CYLD: variants seen among roughly 807,000 people sequenced by gnomAD.
CYLD encodes the protein CYLD lysine 63 deubiquitinase, also known as ubiquitin carboxyl-terminal hydrolase CYLD.
In CYLD, 26 loss-of-function variants were observed where a neutral mutation model predicts 104.5. The observed-to-expected ratio is 0.25, with a 90% CI of 0.18 to 0.35. CYLD has a LOEUF of 0.35. CYLD is among the 10% of genes least tolerant of loss of function. The pLI, the probability that CYLD is intolerant of heterozygous loss-of-function variation, is 1.00. For missense variants in CYLD, 703 were observed against 1,136.1 expected (o/e 0.62, Z 5.48); for synonymous variants, 385 against 399.9 (o/e 0.96, Z 0.45).
chr16:50,742,773 C>T lies in CYLD; in HGVS notation c.-192C>T, dbSNP rs919854878. The T allele has an allele frequency of 1.3e-5, 5 of 398,570 alleles. No individual in the cohort carries two copies. Among genetic ancestry groups the T allele is most frequent in the Non-Finnish European group, 2.2e-5 (5 of 226,142 alleles). 24.7% of individuals were successfully genotyped at this position (398,570 alleles called of 1,614,324 possible). ...GCTTTTTCTTTCAGTTTCCCCCTTT[C>T]TAGGGTGAGGATGGTTCTACACAGC... On this transcript the variant is annotated 5_prime_UTR_variant, in exon 2 of 19. Coordinates refer to ENST00000427738, the MANE Select transcript of CYLD (RefSeq NM_001378743.1).
chr16:50,777,976 C>A (rs370375803), intron 8 of CYLD, 35 bp downstream of exon 8: 2 of 1,190,782 alleles, frequency 1.7e-6, no homozygotes, highest in Non-Finnish European at 2.5e-6. Context: ...TATAATGATC[C>A]TTTCTTTCTA....
intron 5 of CYLD, 87 bp downstream of exon 5, chr16:50,754,511 A>G (rs1219099734): frequency 7.7e-6 from 7 of 906,114 alleles, no homozygotes; most frequent in Admixed American, 4.3e-5. Context: ...TTGGGGGAAC[A>G]GGTGGTGTTT....
chr16:50,794,077 G>C lies in CYLD; in HGVS notation c.2470-135G>C, dbSNP rs577041860. ...CGAGTAGCTGGGACTGCAGGCGCCT[G>C]CCACCACGCCCAGCTAATTTTTGTA... On this transcript the variant is annotated intron_variant, in intron 17 of 18. Coordinates refer to ENST00000427738, the MANE Select transcript of CYLD (RefSeq NM_001378743.1). This position sits in a 1 kb window ranked among gnomAD's most constrained non-coding sequence, Gnocchi z 4.1. The C allele has an allele frequency of 3.1e-4, 241 of 775,454 alleles. No individual in the cohort carries two copies. The South Asian group carries it at 3.6e-3, about 12-fold the overall frequency. The allele number at this position is 775,454 out of a possible 1,614,324, so 48.0% of individuals were successfully genotyped here.
intron 2 of CYLD, among the ~76,000 whole-genome samples, chr16:50,743,102 C>A (rs1965865012): frequency 6.6e-6 from 1 of 152,162 alleles, no homozygotes; most frequent in Non-Finnish European, 1.5e-5. Flanking sequence ...CTGCCACCTT[C>A]TTCTCCTCAA....
intron 14 of CYLD, among the ~76,000 whole-genome samples, chr16:50,791,357 A>G (rs577484151): frequency 6.6e-6 from 1 of 152,362 alleles, no homozygotes; most frequent in African/African-American, 2.4e-5. Flanking sequence ...AGCAAAATAA[A>G]TCATTTATAA....
intron 9 of CYLD, 60 bp downstream of exon 9, chr16:50,780,104 C>T (rs570622419): frequency 1.8e-5 from 29 of 1,587,688 alleles, no homozygotes; most frequent in East Asian, 1.8e-4. Flanking sequence ...GTGCAGATTT[C>T]GCCCTATTAT....
intron 18 of CYLD, chr16:50,795,609 T>A (rs1351041773): frequency 4.3e-6 from 3 of 702,906 alleles, no homozygotes; most frequent in Non-Finnish European, 7.8e-6. Context: ...CCTAAGACAT[T>A]CCCTGTGGCA....
Position 50,745,203 on chromosome 16 carries a change from C to A in CYLD, c.-124+2362C>A, listed in dbSNP as rs759958776. Among the ~76,000 whole-genome samples the A allele has an allele frequency of 1.6e-4, 24 of 152,054 alleles. No homozygotes were observed. In the South Asian group the frequency reaches 2.1e-3, roughly 13 times the overall value. On this transcript the variant is annotated intron_variant, in intron 2 of 18. Transcript: ENST00000427738. ...TGAAAATTTCTCCCTTCACACTGAC[C>A]CCTCACCCCCACCTGCCCTACGGTG... is the stretch of plus-strand genomic sequence containing the variant.
chr16:50,754,578 C>T (rs1966844214), intron 5 of CYLD, 154 bp downstream of exon 5: 4 of 630,646 alleles, frequency 6.3e-6, no homozygotes, highest in Admixed American at 2.4e-5. Flanking sequence ...CACCCGTCAC[C>T]CGAGAAGTAT....
intron 13 of CYLD, 111 bp downstream of exon 13, chr16:50,787,057 A>AC (rs1658100050): frequency 1.1e-6 from 1 of 918,856 alleles, no homozygotes; most frequent in Non-Finnish European, 1.8e-6. Flanking sequence ...TTTAAATTAG[A>AC]AATTTCTTTT....
At position 50,794,332 on chromosome 16, in the gene CYLD, G is replaced by C. The variant is rs772100161; in HGVS notation, c.2590G>C (p.Val864Leu). 1 of 1,614,158 alleles carries C rather than the reference G, an allele frequency of 6.2e-7. No homozygotes were observed. Among genetic ancestry groups the C allele is most frequent in the Non-Finnish European group, 8.5e-7 (1 of 1,180,026 alleles). Reference sequence around the variant, plus strand: ...TTGCCAGAATATGGAGTTATTTGCTGTTCTCTGCATAGAAACAAGCCACTA... The same window carrying C: ...TTGCCAGAATATGGAGTTATTTGCTCTTCTCTGCATAGAAACAAGCCACTA... Reference protein sequence around the residue: ...IPCQNMELFAVLCIETSHYVA... With the variant: ...IPCQNMELFALLCIETSHYVA... Residue 864 changes from valine (V) to leucine (L), a missense_variant, in exon 18 of 19, where the codon GTT (valine) becomes CTT (leucine). This residue lies in a region of CYLD where 130 missense variants were observed against 220.2 expected (regional missense o/e 0.59). Coordinates refer to ENST00000427738, the MANE Select transcript of CYLD (RefSeq NM_001378743.1). This position sits in a 1 kb window ranked among gnomAD's most constrained non-coding sequence, Gnocchi z 4.1.
At chr16:50,764,756 A>T (rs1290765589) in intron 5 of CYLD, among the ~76,000 whole-genome samples, 1 of 152,178 alleles carries the variant, frequency 6.6e-6, no homozygotes, top group African/African-American at 2.4e-5. Flanking sequence ...TGATTGCCAC[A>T]TCTGAGGTGA....
intron 5 of CYLD, among the ~76,000 whole-genome samples, chr16:50,771,874 T>G (rs1969192215): frequency 6.6e-6 from 1 of 152,190 alleles, no homozygotes; most frequent in Admixed American, 6.5e-5. Context: ...TATATTTATG[T>G]GGGTCTATTT....
chr16:50,758,046 G>A (rs929967695), intron 5 of CYLD, among the ~76,000 whole-genome samples: 1 of 152,130 alleles, frequency 6.6e-6, no homozygotes, highest in Non-Finnish European at 1.5e-5. Context: ...TTTCATTCTA[G>A]TGAGTGGAGA....
At chr16:50,746,190 A>G (rs1966177993) in intron 2 of CYLD, among the ~76,000 whole-genome samples, 1 of 152,170 alleles carries the variant, frequency 6.6e-6, no homozygotes. Flanking sequence ...GGCACATGCC[A>G]TCACACCTGG....
At position 50,800,639 on chromosome 16, in the gene CYLD, A is replaced by AG. The variant is rs1445404247; in HGVS notation, c.*4133dup. 4.3e-6 allele frequency: 1 copy of AG among 232,606 alleles called. No homozygotes were observed. Among genetic ancestry groups the AG allele is most frequent in the Non-Finnish European group, 8.5e-6 (1 of 117,684 alleles). The allele number at this position is 232,606 out of a possible 1,614,324, so 14.4% of individuals were successfully genotyped here. On this transcript the variant is annotated 3_prime_UTR_variant, in exon 19 of 19. Transcript: ENST00000427738. ...CCAAAAAAATGAAAACAAAATTCTAAGGCAAAGTTAAAGAAAAAAATTACA... is the reference window on the plus strand; with the variant it reads ...CCAAAAAAATGAAAACAAAATTCTAAGGGCAAAGTTAAAGAAAAAAATTACA...
Position 50,754,253 on chromosome 16 carries a change from A to T in CYLD, c.808-66A>T, listed in dbSNP as rs147494867. 44 of 1,074,404 alleles carry T rather than the reference A, an allele frequency of 4.1e-5. No individual in the cohort carries two copies. In the East Asian group the frequency reaches 9.4e-4, roughly 23 times the overall value. The allele number at this position is 1,074,404 out of a possible 1,614,324, so 66.6% of individuals were successfully genotyped here. A position where few individuals can be genotyped will look rare whatever the true frequency, so the allele number is the denominator to read the frequency against. Reference sequence around the variant, plus strand: ...AAATATTTTGGAGGATTCTTTATGGAAAATACAGACTTCCACATTTACATT... The same window carrying T: ...AAATATTTTGGAGGATTCTTTATGGTAAATACAGACTTCCACATTTACATT... On this transcript the variant is annotated intron_variant, in intron 4 of 18. Coordinates refer to ENST00000427738, the MANE Select transcript of CYLD (RefSeq NM_001378743.1).
At chr16:50,766,688 G>T (rs1158211010) in intron 5 of CYLD, among the ~76,000 whole-genome samples, 1 of 152,152 alleles carries the variant, frequency 6.6e-6, no homozygotes, top group Non-Finnish European at 1.5e-5. Context: ...ACAGGAGTTT[G>T]GGAGAAGTTG....
At chr16:50,770,696 C>T (rs748063566) in intron 5 of CYLD, among the ~76,000 whole-genome samples, 40 of 152,224 alleles carry the variant, frequency 2.6e-4, no homozygotes, top group South Asian at 1.0e-3. Flanking sequence ...AGTGATCCAC[C>T]TGCCTCGGCT....
Sources: allele counts gnomAD v4.1 joint callset (sites outside exome capture counted in the v4.1 genomes callset), GRCh38; gene constraint gnomAD v4.1.1; regional missense constraint gnomAD v4.1.1; non-coding constraint Gnocchi (gnomAD v3.1); transcripts MANE v1.5; gene names NCBI Gene and HGNC (gene_info 2026-07-23, HGNC 2026-07-21).